CYP39A1: variants seen among roughly 807,000 people sequenced by gnomAD.
CYP39A1 encodes 24-hydroxycholesterol 7-alpha-hydroxylase.
In CYP39A1, 49 loss-of-function variants were observed where a neutral mutation model predicts 58.1. The ratio of observed to expected loss-of-function variants is 0.84; its 90% CI spans 0.67 to 1.07. CYP39A1 has a LOEUF of 1.07. Ranked by LOEUF, CYP39A1 falls within the 50% of genes least tolerant of loss-of-function variation. CYP39A1 has a pLI of 0.00. For synonymous variants in CYP39A1, 209 were observed against 187.6 expected, an observed-to-expected ratio of 1.11 and a Z score of -0.93; for missense variants, 531 against 539.4, an observed-to-expected ratio of 0.98 and a Z score of 0.16.
chr6:46,601,219 A>G (rs1401172817), intron 7 of CYP39A1, among the ~76,000 whole-genome samples: 1 of 152,144 alleles, frequency 6.6e-6, no homozygotes, highest in Non-Finnish European at 1.5e-5. Context: ...TTTTATTTGC[A>G]AACTAAATCC....
intron 10 of CYP39A1, among the ~76,000 whole-genome samples, chr6:46,568,828 C>T (rs1309840195): frequency 6.6e-6 from 1 of 151,782 alleles, no homozygotes; most frequent in Non-Finnish European, 1.5e-5. Context: ...AATGAGAGTC[C>T]TCCATTTTGT....
At chr6:46,639,429 A>C (rs1776189234) in intron 3 of CYP39A1, 65 bp downstream of exon 3, 1 of 1,473,622 alleles carries the variant, frequency 6.8e-7, no homozygotes, top group Admixed American at 1.9e-5. Context: ...AGTCCAATCT[A>C]TAGGTTTCAA....
intron 8 of CYP39A1, among the ~76,000 whole-genome samples, chr6:46,593,241 T>C (rs1303322403): frequency 1.3e-5 from 2 of 152,064 alleles, no homozygotes; most frequent in African/African-American, 2.4e-5. Context: ...CATGCAAGAG[T>C]ATACATCTGT....
intron 7 of CYP39A1, 46 bp downstream of exon 7, chr6:46,625,372 A>C: frequency 1.5e-6 from 2 of 1,330,156 alleles, no homozygotes; most frequent in Non-Finnish European, 2.1e-6. Context: ...ATGTGTGACA[A>C]ACATGCATTA....
At chr6:46,610,364 T>TG (rs1432523639) in intron 7 of CYP39A1, among the ~76,000 whole-genome samples, 2 of 152,142 alleles carry the variant, frequency 1.3e-5, no homozygotes, top group African/African-American at 4.8e-5. Context: ...TACAAAGAGA[T>TG]GGGGTCTCAC....
intron 10 of CYP39A1, among the ~76,000 whole-genome samples, chr6:46,555,561 T>C (rs1415621730): frequency 1.3e-5 from 2 of 152,234 alleles, no homozygotes; most frequent in Non-Finnish European, 2.9e-5. Context: ...TGTGGCACTT[T>C]ACATATCCCT....
chr6:46,629,995 C>T lies in CYP39A1; in HGVS notation c.840+968G>A, dbSNP rs1775548852. 3.9e-5 allele frequency among the ~76,000 whole-genome samples: 6 copies of T among 152,084 alleles called. No homozygotes were observed. The South Asian group carries it at 1.2e-3, about 32-fold the overall frequency. Reference sequence around the variant, plus strand: ...CATGTAATCCCAGCTGCTCAGGAGGCTGAGGCAGGGGAATCGCTTGAACCC... The same window carrying T: ...CATGTAATCCCAGCTGCTCAGGAGGTTGAGGCAGGGGAATCGCTTGAACCC... On this transcript the variant is annotated intron_variant, in intron 6 of 11. Transcript: ENST00000275016.
At chr6:46,625,049 A>C (rs1237808435) in intron 7 of CYP39A1, among the ~76,000 whole-genome samples, 1 of 152,140 alleles carries the variant, frequency 6.6e-6, no homozygotes, top group Non-Finnish European at 1.5e-5. Flanking sequence ...ATATACCCTT[A>C]TTACTTTTAT....
chr6:46,624,378 T>C (rs1480312598), intron 7 of CYP39A1, among the ~76,000 whole-genome samples: 2 of 152,198 alleles, frequency 1.3e-5, no homozygotes, highest in African/African-American at 2.4e-5. Flanking sequence ...TCTTCTCTTA[T>C]ATTCACCAGT....
At chr6:46,619,801 T>A (rs1243582861) in intron 7 of CYP39A1, among the ~76,000 whole-genome samples, 1 of 152,168 alleles carries the variant, frequency 6.6e-6, no homozygotes, top group African/African-American at 2.4e-5. Flanking sequence ...GTTACTTTAC[T>A]CATCTTCATA....
intron 10 of CYP39A1, among the ~76,000 whole-genome samples, chr6:46,561,300 T>C (rs956175800): frequency 6.6e-6 from 1 of 152,140 alleles, no homozygotes; most frequent in Non-Finnish European, 1.5e-5. Flanking sequence ...TATTGACCAG[T>C]GCAGTGATTT....
At chr6:46,631,784 G>A (rs1775676498) in intron 5 of CYP39A1, among the ~76,000 whole-genome samples, 1 of 152,170 alleles carries the variant, frequency 6.6e-6, no homozygotes, top group African/African-American at 2.4e-5. Context: ...CCCCATCCAA[G>A]GCTACCCATC....
At chr6:46,628,023 G>A (rs1019537379) in intron 6 of CYP39A1, among the ~76,000 whole-genome samples, 2 of 152,166 alleles carry the variant, frequency 1.3e-5, no homozygotes, top group Non-Finnish European at 2.9e-5. Context: ...CCACCATAAT[G>A]TCATTCCATT....
At chr6:46,633,648 G>A (rs1775787988) in intron 5 of CYP39A1, among the ~76,000 whole-genome samples, 3 of 152,162 alleles carry the variant, frequency 2.0e-5, no homozygotes, top group African/African-American at 7.2e-5. Context: ...CACGAGGTCA[G>A]AAGTTTGATA....
Position 46,565,087 on chromosome 6 carries a change from C to CA in CYP39A1, c.1251-11234dup, listed in dbSNP as rs144394125. Among the ~76,000 whole-genome samples, 1,215 of 152,224 alleles carry CA rather than the reference C, an allele frequency of 8.0e-3. 20 individuals carry two copies. Among genetic ancestry groups the CA allele is most frequent in the African/African-American group, 0.028 (1,149 of 41,544 alleles). ...AAAACAGATTGCTGGGCCCCACCCC[C>CA]AAAGTTTCTGAGTCGGGAGATCTGG... On this transcript the variant is annotated intron_variant, in intron 10 of 11. Transcript: ENST00000275016.
intron 8 of CYP39A1, among the ~76,000 whole-genome samples, chr6:46,594,003 A>G (rs1772995152): frequency 6.6e-6 from 1 of 152,132 alleles, no homozygotes; most frequent in Non-Finnish European, 1.5e-5. Context: ...GCTATGCAAA[A>G]TAACTTTCTT....
intron 1 of CYP39A1, among the ~76,000 whole-genome samples, chr6:46,649,137 A>G (rs1285510312): frequency 2.6e-5 from 4 of 152,244 alleles, no homozygotes; most frequent in Non-Finnish European, 5.9e-5. Flanking sequence ...AGTCGTATTC[A>G]CTACCCAGCT....
chr6:46,550,924 G>A (rs775312312), intron 11 of CYP39A1, among the ~76,000 whole-genome samples: 2 of 152,150 alleles, frequency 1.3e-5, no homozygotes, highest in South Asian at 2.1e-4. Context: ...TCACTCCATC[G>A]CCCCCATAAA....
At chr6:46,561,157 T>C (rs1044139680) in intron 10 of CYP39A1, among the ~76,000 whole-genome samples, 4 of 152,198 alleles carry the variant, frequency 2.6e-5, no homozygotes, top group African/African-American at 7.2e-5. Context: ...AATATTTACT[T>C]GGCAGCTCTA....
Sources: allele counts gnomAD v4.1 joint callset (sites outside exome capture counted in the v4.1 genomes callset), GRCh38; gene constraint gnomAD v4.1.1; transcripts MANE v1.5; gene names NCBI Gene and HGNC (gene_info 2026-07-23, HGNC 2026-07-21).